Variants in ANKIB1 observed in about 807,000 individuals in gnomAD.
ANKIB1 encodes the protein ankyrin repeat and IBR domain-containing protein 1.
In ANKIB1, 43 loss-of-function variants were observed where a neutral mutation model predicts 122.1. That is an observed-to-expected ratio of 0.35 (90% CI 0.28 to 0.45). The LOEUF (loss-of-function observed/expected upper bound fraction) is 0.45, where lower values mean the gene tolerates loss of function less well. Ranked by LOEUF, ANKIB1 falls within the 20% of genes least tolerant of loss-of-function variation. ANKIB1 has a pLI of 1.00. For synonymous variants in ANKIB1, 390 were observed against 442.0 expected, an observed-to-expected ratio of 0.88 and a Z score of 1.48; for missense variants, 992 against 1,329.5, an observed-to-expected ratio of 0.75 and a Z score of 3.95.
intron 1 of ANKIB1, among the ~76,000 whole-genome samples, chr7:92,253,208 T>G (rs1217837803): frequency 1.3e-5 from 2 of 152,246 alleles, no homozygotes; most frequent in Admixed American, 1.3e-4. Flanking sequence ...TATGAATGCC[T>G]TCTCTGGCAG....
rs543079936 is a variant in ANKIB1 at position 92,320,950 on chromosome 7, G to A, written c.669+1438G>A. ...GCATTATCTCAGACCTTTTTTCCCC[G>A]GCACACTTTGCTCTAATTGTAATAC... is the stretch of plus-strand genomic sequence containing the variant. On this transcript the variant is annotated intron_variant, in intron 4 of 19. Transcript: ENST00000265742. 7.2e-5 allele frequency among the ~76,000 whole-genome samples: 11 copies of A among 151,826 alleles called. No homozygotes were observed. In the East Asian group the frequency reaches 1.4e-3, roughly 19 times the overall value.
Position 92,316,748 on chromosome 7 carries a change from C to CT in ANKIB1, c.487-2582_487-2581insT, listed in dbSNP as rs1317815843. Among the ~76,000 whole-genome samples the CT allele has an allele frequency of 2.0e-5, 3 of 152,088 alleles. No individual in the cohort carries two copies. The East Asian group carries it at 5.8e-4, about 29-fold the overall frequency. On this transcript the variant is annotated intron_variant, in intron 3 of 19. Transcript: ENST00000265742. ...TCTTCACACACATTTTTTTAACCCC[C>CT]CAATGAATGAAGTCCACATTCTGGC... is the stretch of plus-strand genomic sequence containing the variant.
At chr7:92,391,368 A>G in intron 16 of ANKIB1, 24 bp downstream of exon 16, 1 of 1,542,970 alleles carries the variant, frequency 6.5e-7, no homozygotes, top group Non-Finnish European at 8.8e-7. Context: ...ACACTGTGGA[A>G]ATCATCCTAG....
Position 92,303,430 on chromosome 7 carries a change from G to A in ANKIB1, c.189-3929G>A, listed in dbSNP as rs374324148. Reference sequence around the variant, plus strand: ...CCCTTTGAGGGAAACCTGTGATTCTGCCACTACTGCCTGTCATTTGAATTC... The same window carrying A: ...CCCTTTGAGGGAAACCTGTGATTCTACCACTACTGCCTGTCATTTGAATTC... On this transcript the variant is annotated intron_variant, in intron 2 of 19. Coordinates refer to ENST00000265742, the MANE Select transcript of ANKIB1 (RefSeq NM_019004.2). Among the ~76,000 whole-genome samples the A allele has an allele frequency of 2.6e-5, 4 of 152,238 alleles. 1 individual carries two copies.
chr7:92,351,107 G>T lies in ANKIB1; in HGVS notation c.1230+13G>T. ...GTTTGATATTAAGGTAAGGTATACTGCCAATTATCTGTCCAATTTCCATAA... is the reference window on the plus strand; with the variant it reads ...GTTTGATATTAAGGTAAGGTATACTTCCAATTATCTGTCCAATTTCCATAA... On this transcript the variant is annotated intron_variant, in intron 8 of 19. Transcript: ENST00000265742. The T allele has an allele frequency of 6.7e-7, 1 of 1,487,306 alleles. No homozygotes were observed. Among genetic ancestry groups the T allele is most frequent in the African/African-American group, 1.4e-5 (1 of 70,680 alleles). 92.1% of individuals were successfully genotyped at this position (1,487,306 alleles called of 1,614,324 possible).
chr7:92,325,382 G>A (rs1215552297), intron 4 of ANKIB1, among the ~76,000 whole-genome samples: 1 of 152,202 alleles, frequency 6.6e-6, no homozygotes, highest in Non-Finnish European at 1.5e-5. Flanking sequence ...GCTCAGGGTA[G>A]CCTAGGTCTT....
chr7:92,317,722 A>C (rs1309029759), intron 3 of ANKIB1, among the ~76,000 whole-genome samples: 1 of 152,184 alleles, frequency 6.6e-6, no homozygotes, highest in Non-Finnish European at 1.5e-5. Flanking sequence ...TTTTGTAAGC[A>C]TTCTTAGGAC....
At chr7:92,295,232 GA>G (rs201251086) in intron 2 of ANKIB1, 66 bp downstream of exon 2, 54 of 1,166,322 alleles carry the variant, frequency 4.6e-5, no homozygotes, top group African/African-American at 6.3e-5. Context: ...ACAAAGTGGT[GA>G]AAAAAAAGGA....
chr7:92,253,782 C>T (rs1801380891), intron 1 of ANKIB1, among the ~76,000 whole-genome samples: 3 of 152,022 alleles, frequency 2.0e-5, no homozygotes, highest in Non-Finnish European at 4.4e-5. Flanking sequence ...ATACACACAC[C>T]TGTACCTGCC....
chr7:92,259,031 G>T (rs1047078911), intron 1 of ANKIB1, among the ~76,000 whole-genome samples: 10 of 152,070 alleles, frequency 6.6e-5, no homozygotes, highest in African/African-American at 2.4e-4. Flanking sequence ...TTGGCTCACT[G>T]TAACCTCTGC....
chr7:92,395,207 A>C (rs562460108), intron 17 of ANKIB1, among the ~76,000 whole-genome samples: 1 of 152,304 alleles, frequency 6.6e-6, no homozygotes, highest in East Asian at 1.9e-4. Flanking sequence ...TGGTGATAAC[A>C]AACTAACTTT....
chr7:92,358,379 C>T (rs1362019664), intron 9 of ANKIB1, among the ~76,000 whole-genome samples: 1 of 152,166 alleles, frequency 6.6e-6, no homozygotes, highest in Non-Finnish European at 1.5e-5. Flanking sequence ...TTATAACACC[C>T]TGAAGTGGTC....
chr7:92,270,653 T>C (rs1165248577), intron 1 of ANKIB1, among the ~76,000 whole-genome samples: 1 of 151,640 alleles, frequency 6.6e-6, no homozygotes, highest in Non-Finnish European at 1.5e-5. Context: ...AACTCCCTTG[T>C]CCTGTCCCTG....
At chr7:92,263,980 C>G (rs1341653706) in intron 1 of ANKIB1, among the ~76,000 whole-genome samples, 1 of 152,134 alleles carries the variant, frequency 6.6e-6, no homozygotes, top group Non-Finnish European at 1.5e-5. Context: ...TACAATTTGA[C>G]TGGACAAATA....
At chr7:92,359,937 G>T (rs1585125113) in intron 9 of ANKIB1, among the ~76,000 whole-genome samples, 1 of 152,038 alleles carries the variant, frequency 6.6e-6, no homozygotes, top group African/African-American at 2.4e-5. Context: ...AATATTTTTT[G>T]AATGTCTGTT....
intron 10 of ANKIB1, among the ~76,000 whole-genome samples, chr7:92,370,915 G>A (rs1350049474): frequency 2.0e-5 from 3 of 152,154 alleles, no homozygotes; most frequent in African/African-American, 7.2e-5. Flanking sequence ...TGGGAATGGA[G>A]AGGAACCAGA....
At chr7:92,394,264 C>T (rs1376451885) in intron 17 of ANKIB1, among the ~76,000 whole-genome samples, 3 of 152,154 alleles carry the variant, frequency 2.0e-5, no homozygotes, top group Non-Finnish European at 4.4e-5. Context: ...TAGCTTTTCC[C>T]TCTGTAAATC....
chr7:92,273,072 A>G (rs1172420488), intron 1 of ANKIB1, among the ~76,000 whole-genome samples: 2 of 152,240 alleles, frequency 1.3e-5, no homozygotes, highest in East Asian at 1.9e-4. Context: ...ATTTTGGTCA[A>G]CAATGGACTG....
intron 1 of ANKIB1, among the ~76,000 whole-genome samples, chr7:92,252,753 C>G (rs559615501): frequency 1.3e-4 from 20 of 152,180 alleles, no homozygotes; most frequent in African/African-American, 4.6e-4. Context: ...GTATATCATG[C>G]CCCTATCTCA....
Sources: allele counts gnomAD v4.1 joint callset (sites outside exome capture counted in the v4.1 genomes callset), GRCh38; gene constraint gnomAD v4.1.1; transcripts MANE v1.5; gene names NCBI Gene and HGNC (gene_info 2026-07-23, HGNC 2026-07-21).